Variants in BTBD8 observed in about 807,000 individuals in gnomAD.
BTBD8 encodes BTB/POZ domain-containing protein 8.
In BTBD8, 110 loss-of-function variants were observed where a neutral mutation model predicts 162.9. The observed-to-expected ratio is 0.68, with a 90% CI of 0.58 to 0.79. The LOEUF is 0.79. BTBD8 is among the 30% of genes least tolerant of loss of function. The probability of loss-of-function intolerance (pLI) is 0.00; values close to 1 mark genes in which losing one functional copy is unlikely to be tolerated. For missense variants in BTBD8, 1,905 were observed against 2,085.4 expected, an observed-to-expected ratio of 0.91 and a Z score of 1.68; for synonymous variants, 667 against 716.1, an observed-to-expected ratio of 0.93 and a Z score of 1.10.
chr1:92,184,405 A>G lies in BTBD8; in HGVS notation c.*75A>G. On this transcript the variant is annotated 3_prime_UTR_variant, in exon 18 of 18. Coordinates refer to ENST00000636805, the MANE Select transcript of BTBD8 (RefSeq NM_001376131.1). The stretch of plus-strand genomic sequence containing the variant: ...TATATTATATCCAAATGATAATTGC[A>G]TTAGCCGGATATAAACTTTCTTTAA... 3 of 887,116 alleles carry G rather than the reference A, an allele frequency of 3.4e-6. No individual in the cohort carries two copies. Among genetic ancestry groups the G allele is most frequent in the South Asian group, 1.9e-5 (1 of 53,058 alleles). The allele number at this position is 887,116 out of a possible 1,614,324, so 55.0% of individuals were successfully genotyped here. A position where few individuals can be genotyped will look rare whatever the true frequency, so the allele number is the denominator to read the frequency against.
At chr1:92,162,547 G>A (rs1650294288) in intron 9 of BTBD8, among the ~76,000 whole-genome samples, 1 of 152,196 alleles carries the variant, frequency 6.6e-6, no homozygotes, top group Admixed American at 6.5e-5. Context: ...ACACTTGGGG[G>A]TCTTGTTTAA....
At chr1:92,175,371 CGGGA>C (rs953128682) in intron 13 of BTBD8, among the ~76,000 whole-genome samples, 1 of 138,322 alleles carries the variant, frequency 7.2e-6, no homozygotes, top group African/African-American at 2.7e-5. Context: ...CCCAGCTACT[CGGGA>C]GGCTGAGGCA....
intron 4 of BTBD8, among the ~76,000 whole-genome samples, chr1:92,111,337 A>G (rs1037957533): frequency 2.0e-5 from 3 of 152,216 alleles, no homozygotes; most frequent in Admixed American, 6.5e-5. Context: ...AATCTGGTAT[A>G]TCTTCCAGAA....
At chr1:92,147,535 G>T in intron 8 of BTBD8, 149 bp from the exon 9 acceptor site, 1 of 635,224 alleles carries the variant, frequency 1.6e-6, no homozygotes. Context: ...ACAGGAAAGA[G>T]AATATAAAGT....
intron 9 of BTBD8, 120 bp downstream of exon 9, chr1:92,147,906 C>A: frequency 1.2e-6 from 1 of 807,342 alleles, no homozygotes; most frequent in Non-Finnish European, 1.9e-6. Flanking sequence ...GAGGCGTGAA[C>A]CAATTCAGAT....
At chr1:92,168,288 T>G (rs951407307) in intron 11 of BTBD8, among the ~76,000 whole-genome samples, 8 of 152,178 alleles carry the variant, frequency 5.3e-5, no homozygotes, top group African/African-American at 1.4e-4. Context: ...TATTTCTCCC[T>G]GGTCCTACAG....
intron 4 of BTBD8, among the ~76,000 whole-genome samples, chr1:92,113,704 A>AT (rs2101912646): frequency 6.6e-6 from 1 of 150,706 alleles, no homozygotes; most frequent in African/African-American, 2.5e-5. Flanking sequence ...GCTATCAGTC[A>AT]TTATGCAGTC....
chr1:92,089,329 A>C (rs1203709165), intron 2 of BTBD8, among the ~76,000 whole-genome samples: 1 of 152,192 alleles, frequency 6.6e-6, no homozygotes, highest in Non-Finnish European at 1.5e-5. Flanking sequence ...AGACATTGCC[A>C]GATGTCCTCT....
Position 92,181,344 on chromosome 1 carries a change from C to G in BTBD8, c.3661C>G (p.Pro1221Ala). ...TAAAAATATGGAAACATCAGAATCT[C>G]CAGAGAGCCATGAAACTCCAGAAAC... ...SPKNMETSES[P>A]ESHETPETPF... Residue 1221 changes from proline (P) to alanine (A), a missense_variant, in exon 17 of 18, where the codon CCA becomes GCA. Transcript: ENST00000636805. 1 of 1,551,602 alleles carries G rather than the reference C, an allele frequency of 6.4e-7. No individual in the cohort carries two copies. The highest frequency in any genetic ancestry group is 1.4e-5 in the African/African-American group (1 of 73,154).
chr1:92,112,030 TA>T (rs1171110674), intron 4 of BTBD8, among the ~76,000 whole-genome samples: 1 of 152,102 alleles, frequency 6.6e-6, no homozygotes, highest in African/African-American at 2.4e-5. Flanking sequence ...CAATGATACA[TA>T]AAATATGAAA....
chr1:92,157,791 G>A (rs113331128), intron 9 of BTBD8, among the ~76,000 whole-genome samples: 4 of 152,260 alleles, frequency 2.6e-5, no homozygotes, highest in Admixed American at 1.3e-4. Flanking sequence ...ACAGGCACGA[G>A]CCACTGTGCC....
intron 12 of BTBD8, among the ~76,000 whole-genome samples, chr1:92,169,844 C>T (rs952472707): frequency 1.3e-5 from 2 of 152,122 alleles, no homozygotes; most frequent in African/African-American, 4.8e-5. Context: ...ACATTATAAG[C>T]ATTACATGAT....
rs1470341392 is a variant in BTBD8, at chr1:92,180,588, A to G, written c.2905A>G (p.Met969Val). 1.9e-6 allele frequency: 3 copies of G among 1,551,294 alleles called. No homozygotes were observed. Among genetic ancestry groups the G allele is most frequent in the African/African-American group, 1.4e-5 (1 of 73,014 alleles). The part of the protein sequence containing the change: ...KHETSTVQKS[M>V]FHDVRDNNNK... Reference sequence around the variant, plus strand: ...TGAAACATCTACTGTCCAAAAAAGTATGTTTCATGATGTGCGTGATAATAA... The same window carrying G: ...TGAAACATCTACTGTCCAAAAAAGTGTGTTTCATGATGTGCGTGATAATAA... Residue 969 changes from methionine (M) to valine (V), a missense_variant, in exon 17 of 18, where the codon ATG becomes GTG. Physicochemically the swap from Met to Val is conservative, Grantham distance 21 (BLOSUM62 1). This residue lies in a region of BTBD8 where 1,374 missense variants were observed against 1,442.7 expected (regional missense o/e 0.95). Transcript: ENST00000636805.
At chr1:92,165,009 T>A (rs1650354263) in intron 9 of BTBD8, among the ~76,000 whole-genome samples, 1 of 151,470 alleles carries the variant, frequency 6.6e-6, no homozygotes, top group Non-Finnish European at 1.5e-5. Context: ...TGGTTTCAGC[T>A]ACTTGAAAGG....
At chr1:92,112,362 C>T (rs1648921983) in intron 4 of BTBD8, among the ~76,000 whole-genome samples, 1 of 152,076 alleles carries the variant, frequency 6.6e-6, no homozygotes, top group Non-Finnish European at 1.5e-5. Context: ...CAGTGAGTGC[C>T]ATTGCATTCC....
intron 4 of BTBD8, among the ~76,000 whole-genome samples, chr1:92,111,358 A>G (rs1648890381): frequency 6.6e-6 from 1 of 152,138 alleles, no homozygotes; most frequent in Non-Finnish European, 1.5e-5. Context: ...TACCTTTCTT[A>G]TCAATGCCTG....
chr1:92,147,650 ATTTC>A (rs1649956306), intron 8 of BTBD8, 30 bp from the exon 9 acceptor site: 1 of 1,529,426 alleles, frequency 6.5e-7, no homozygotes, highest in Non-Finnish European at 9.0e-7. Context: ...AAACATCTTA[ATTTC>A]TTTAACGTGG....
chr1:92,111,151 T>C (rs1283106767), intron 4 of BTBD8, among the ~76,000 whole-genome samples: 3 of 151,828 alleles, frequency 2.0e-5, no homozygotes, highest in African/African-American at 7.3e-5. Flanking sequence ...ACCACCACGC[T>C]TGGCTCATTT....
intron 11 of BTBD8, 61 bp from the exon 12 acceptor site, chr1:92,168,805 A>G: frequency 7.0e-7 from 1 of 1,423,776 alleles, no homozygotes; most frequent in Admixed American, 2.1e-5. Context: ...TGAAAGGAAT[A>G]ATGACTGGTT....
Sources: gnomAD v4.1 joint callset for allele counts (sites outside exome capture counted in the v4.1 genomes callset) on GRCh38, gnomAD v4.1.1 for gene constraint, gnomAD v4.1.1 regional missense constraint, MANE v1.5 for transcripts, NCBI Gene and HGNC (gene_info 2026-07-23, HGNC 2026-07-21) for gene names.